The following CCKBR variants were observed in gnomAD, a reference collection of about 807,000 sequenced individuals.
The protein encoded by CCKBR is cholecystokinin B receptor.
A neutral mutation model predicts 34.6 loss-of-function variants in CCKBR; 33 were observed. That is an observed-to-expected ratio of 0.95 (90% confidence interval 0.72 to 1.27). The LOEUF is 1.27. CCKBR is among the 50% of genes most tolerant of loss of function. CCKBR has a pLI of 0.00. For missense variants in CCKBR, 652 were observed against 617.4 expected (o/e 1.06, Z -0.59); for synonymous variants, 269 against 267.5 (o/e 1.01, Z -0.06).
At chr11:6,269,550 A>C (rs1055461788) in intron 1 of CCKBR, 119 bp from the exon 2 acceptor site, 1 of 1,166,622 alleles carries the variant, frequency 8.6e-7, no homozygotes, top group Non-Finnish European at 1.2e-6. Context: ...TGAGCAGTTC[A>C]TCGGTGGGGA....
At chr11:6,265,129 C>T (rs889261384) in intron 1 of CCKBR, among the ~76,000 whole-genome samples, 2 of 152,180 alleles carry the variant, frequency 1.3e-5, no homozygotes, top group African/African-American at 4.8e-5. Context: ...ACTCCTGGCT[C>T]TAAAATTGCT....
chr11:6,266,503 A>AAAACAAAC (rs60130505), intron 1 of CCKBR, among the ~76,000 whole-genome samples: 1 of 151,652 alleles, frequency 6.6e-6, no homozygotes, highest in Non-Finnish European at 1.5e-5. Flanking sequence ...AACAAAAACA[A>AAAACAAAC]AAACAAACAA....
chr11:6,269,946 C>A lies in CCKBR; in HGVS notation c.403+26C>A, dbSNP rs201414174. The A allele has an allele frequency of 2.4e-4, 385 of 1,612,198 alleles. No homozygotes were observed. In the African/African-American group the frequency reaches 4.4e-3, roughly 18 times the overall value. On this transcript the variant is annotated intron_variant, in intron 2 of 4. Transcript: ENST00000334619. ...GTGGGTGAGACAACCACCCCACCCC[C>A]ACTTGCCACTCTCCCCGCCTAAAGC...
Position 6,259,983 on chromosome 11 carries a change from G to T in CCKBR, c.55G>T (p.Ala19Ser), listed in dbSNP as rs527427977. The T allele has an allele frequency of 1.9e-6, 3 of 1,571,230 alleles. No individual in the cohort carries two copies. The highest frequency in any genetic ancestry group is 1.7e-6 in the Non-Finnish European group (2 of 1,161,810). The change falls in exon 1 of 5, where the codon GCT (alanine) becomes TCT (serine). Residue 19 changes from alanine to serine, a missense_variant. Physicochemically the swap from Ala to Ser is moderately conservative, Grantham distance 99. Transcript: ENST00000334619. Reference sequence around the variant, plus strand: ...GCAGGGAACCGGACCCGGGCCGGGGGCTTCCCTGTGCCGCCCGGGGGCGCC... The same window carrying T: ...GCAGGGAACCGGACCCGGGCCGGGGTCTTCCCTGTGCCGCCCGGGGGCGCC... The part of the protein sequence containing the change: ...SVQGTGPGPG[A>S]SLCRPGAPLL...
At chr11:6,268,844 G>A (rs1431068342) in intron 1 of CCKBR, among the ~76,000 whole-genome samples, 1 of 152,234 alleles carries the variant, frequency 6.6e-6, no homozygotes, top group Non-Finnish European at 1.5e-5. Context: ...CCTTACAGAA[G>A]AAGTAGCAGT....
At chr11:6,264,901 G>T (rs987656227) in intron 1 of CCKBR, among the ~76,000 whole-genome samples, 3 of 152,130 alleles carry the variant, frequency 2.0e-5, no homozygotes, top group African/African-American at 7.2e-5. Context: ...GCTTACATTA[G>T]TGTGGTACAT....
Position 6,271,845 on chromosome 11 carries a change from G to A in CCKBR, c.*302G>A. On this transcript the variant is annotated 3_prime_UTR_variant, in exon 5 of 5. Coordinates refer to ENST00000334619, the MANE Select transcript of CCKBR (RefSeq NM_176875.4). Reference sequence around the variant, plus strand: ...CTACACAGTGGGAACTCTGACAAGGGCTGACCTGCCTCTCACACACATAGA... The same window carrying A: ...CTACACAGTGGGAACTCTGACAAGGACTGACCTGCCTCTCACACACATAGA... 5.3e-6 allele frequency: 2 copies of A among 373,962 alleles called. No individual in the cohort carries two copies. The highest frequency in any genetic ancestry group is 9.6e-6 in the Non-Finnish European group (2 of 207,624). The allele number at this position is 373,962 out of a possible 1,614,324, so 23.2% of individuals were successfully genotyped here.
At chr11:6,264,807 G>T (rs1241950296) in intron 1 of CCKBR, among the ~76,000 whole-genome samples, 2 of 152,046 alleles carry the variant, frequency 1.3e-5, no homozygotes, top group Admixed American at 6.6e-5. Flanking sequence ...ATTATTTTTA[G>T]AGCAGTTTTA....
chr11:6,261,454 A>AAAAAAAAAAATAT lies in CCKBR; in HGVS notation c.151+1376_151+1377insAAAAAAAAATATA, dbSNP rs1447691939. On this transcript the variant is annotated intron_variant, in intron 1 of 4. Transcript: ENST00000334619. ...GTTGGCAAAAAAAAAAAAAAAAAAA[A>AAAAAAAAAAATAT]ATATATATACACACACACACACACA... Among the ~76,000 whole-genome samples the AAAAAAAAAAATAT allele has an allele frequency of 3.3e-5, 2 of 60,894 alleles. 1 individual carries two copies. Among genetic ancestry groups the AAAAAAAAAAATAT allele is most frequent in the African/African-American group, 1.3e-4 (2 of 15,922 alleles). 39.9% of individuals were successfully genotyped at this position (60,894 alleles called of 152,430 possible).
rs199552178 is a variant in CCKBR at position 6,271,129 on chromosome 11, G to C, written c.930G>C (p.Thr310=). The change falls in exon 5 of 5, where the codon ACG becomes ACC. Residue 310 remains threonine, a synonymous_variant. Coordinates refer to ENST00000334619, the MANE Select transcript of CCKBR (RefSeq NM_176875.4). ...SRPALELTAL[T]APGPGSGSRP... ...CTGCCCTGGAGCTGACGGCGCTGAC[G>C]GCTCCTGGGCCGGGATCCGGCTCCC... 6.2e-7 allele frequency: 1 copy of C among 1,613,952 alleles called. No homozygotes were observed. The highest frequency in any genetic ancestry group is 8.5e-7 in the Non-Finnish European group (1 of 1,179,922).
rs200865839 is a variant in CCKBR at position 6,271,051 on chromosome 11, C to T, written c.852C>T (p.Gly284=). Reference sequence around the variant, plus strand: ...ACGGGCGTTGCCGGCCTGAGACTGGCGCGGTTGGCGAAGACAGCGATGGCT... The same window carrying T: ...ACGGGCGTTGCCGGCCTGAGACTGGTGCGGTTGGCGAAGACAGCGATGGCT... ...HQNGRCRPET[G]AVGEDSDGCY... The change falls in exon 5 of 5, where the codon GGC becomes GGT. Residue 284 remains glycine, a synonymous_variant. Transcript: ENST00000334619. 6.2e-6 allele frequency: 10 copies of T among 1,614,162 alleles called. No homozygotes were observed. Among genetic ancestry groups the T allele is most frequent in the Non-Finnish European group, 8.5e-6 (10 of 1,180,038 alleles).
Position 6,259,945 on chromosome 11 carries a change from T to C in CCKBR, c.17T>C (p.Leu6Pro). The C allele has an allele frequency of 6.7e-7, 1 of 1,494,180 alleles. No homozygotes were observed. The highest frequency in any genetic ancestry group is 1.3e-5 in the South Asian group (1 of 77,008). 92.6% of individuals were successfully genotyped at this position (1,494,180 alleles called of 1,614,324 possible). The change falls in exon 1 of 5, where the codon CTG becomes CCG. Residue 6 changes from leucine to proline, a missense_variant. By Grantham distance (98) the Leu-to-Pro change is moderately conservative. Transcript: ENST00000334619. ...GCGGGGGCCATGGAGCTGCTAAAGC[T>C]GAACCGGAGCGTGCAGGGAACCGGA... MELLK[L>P]NRSVQGTGPG...
At position 6,271,672 on chromosome 11, in the gene CCKBR, G is replaced by C; in HGVS notation, c.*129G>C. 1.1e-6 allele frequency: 1 copy of C among 903,040 alleles called. No individual in the cohort carries two copies. The highest frequency in any genetic ancestry group is 1.6e-6 in the Non-Finnish European group (1 of 613,792). 55.9% of individuals were successfully genotyped at this position (903,040 alleles called of 1,614,324 possible). A position where few individuals can be genotyped will look rare whatever the true frequency, so the allele number is the denominator to read the frequency against. ...AAGCATGGACTAACCCCAACGCACA[G>C]GAAAAGGTAGCTTACCTGACACAAG... On this transcript the variant is annotated 3_prime_UTR_variant, in exon 5 of 5. Coordinates refer to ENST00000334619, the MANE Select transcript of CCKBR (RefSeq NM_176875.4).
At chr11:6,261,223 A>C (rs1590664042) in intron 1 of CCKBR, among the ~76,000 whole-genome samples, 1 of 151,924 alleles carries the variant, frequency 6.6e-6, no homozygotes, top group East Asian at 1.9e-4. Flanking sequence ...CACAATTCCT[A>C]CTTCACAGAG....
Position 6,260,591 on chromosome 11 carries a change from C to CA in CCKBR, c.151+518dup, listed in dbSNP as rs370677504. ...CTGACACCCCAGCCCCCAGCCATCCCAAAAAAGATCCTCAAATCTGAATTA... is the reference window on the plus strand; with the variant it reads ...CTGACACCCCAGCCCCCAGCCATCCCAAAAAAAGATCCTCAAATCTGAATTA... On this transcript the variant is annotated intron_variant, in intron 1 of 4. Coordinates refer to ENST00000334619, the MANE Select transcript of CCKBR (RefSeq NM_176875.4). Among the ~76,000 whole-genome samples, 803 of 152,218 alleles carry CA rather than the reference C, an allele frequency of 5.3e-3. 6 individuals carry two copies. Among genetic ancestry groups the CA allele is most frequent in the African/African-American group, 0.018 (753 of 41,518 alleles).
rs767696728 is a variant in CCKBR, at chr11:6,269,934, C to T, written c.403+14C>T. 4 of 1,612,790 alleles carry T rather than the reference C, an allele frequency of 2.5e-6. No individual in the cohort carries two copies. The South Asian group carries it at 4.4e-5, about 18-fold the overall frequency. ...CCTACCTCATGGGTGGGTGAGACAACCACCCCACCCCCACTTGCCACTCTC... is the reference window on the plus strand; with the variant it reads ...CCTACCTCATGGGTGGGTGAGACAATCACCCCACCCCCACTTGCCACTCTC... On this transcript the variant is annotated intron_variant, in intron 2 of 4. Transcript: ENST00000334619.
At chr11:6,269,519 G>C (rs989090797) in intron 1 of CCKBR, 150 bp from the exon 2 acceptor site, 15 of 900,506 alleles carry the variant, frequency 1.7e-5, no homozygotes, top group Non-Finnish European at 2.6e-5. Flanking sequence ...GAAGGCTAAA[G>C]GATTCAAGTT....
Position 6,271,644 on chromosome 11 carries a change from C to A in CCKBR, c.*101C>A. The A allele has an allele frequency of 8.2e-7, 1 of 1,213,928 alleles. No homozygotes were observed. Among genetic ancestry groups the A allele is most frequent in the African/African-American group, 1.5e-5 (1 of 65,536 alleles). 75.2% of individuals were successfully genotyped at this position (1,213,928 alleles called of 1,614,324 possible). A position where few individuals can be genotyped will look rare whatever the true frequency, so the allele number is the denominator to read the frequency against. On this transcript the variant is annotated 3_prime_UTR_variant, in exon 5 of 5. Transcript: ENST00000334619. ...CACAACTGACACAGGAAACCAACAC[C>A]CAAAGCATGGACTAACCCCAACGCA...
chr11:6,271,646 A>G lies in CCKBR; in HGVS notation c.*103A>G, dbSNP rs571062134. On this transcript the variant is annotated 3_prime_UTR_variant, in exon 5 of 5. Coordinates refer to ENST00000334619, the MANE Select transcript of CCKBR (RefSeq NM_176875.4). ...CAACTGACACAGGAAACCAACACCC[A>G]AAGCATGGACTAACCCCAACGCACA... The G allele has an allele frequency of 4.2e-6, 5 of 1,193,230 alleles. No homozygotes were observed. Among genetic ancestry groups the G allele is most frequent in the Non-Finnish European group, 4.6e-6 (4 of 870,396 alleles). The allele number at this position is 1,193,230 out of a possible 1,614,324, so 73.9% of individuals were successfully genotyped here. A position where few individuals can be genotyped will look rare whatever the true frequency, so the allele number is the denominator to read the frequency against.
Sources: allele counts gnomAD v4.1 joint callset (sites outside exome capture counted in the v4.1 genomes callset), GRCh38; gene constraint gnomAD v4.1.1; transcripts MANE v1.5; gene names NCBI Gene and HGNC (gene_info 2026-07-23, HGNC 2026-07-21).